The following CCSER1 variants were observed in gnomAD, a reference collection of about 807,000 sequenced individuals.
The protein encoded by CCSER1 is coiled-coil serine rich protein 1.
A neutral mutation model predicts 82.0 loss-of-function variants in CCSER1; 41 were observed. The observed-to-expected ratio is 0.50, with a 90% CI of 0.39 to 0.65. The LOEUF is 0.65. Ranked by LOEUF, CCSER1 falls within the 30% of genes least tolerant of loss-of-function variation. The pLI, the probability that CCSER1 is intolerant of heterozygous loss-of-function variation, is 0.00. For missense variants in CCSER1, 1,119 were observed against 1,064.2 expected (o/e 1.05, Z -0.72); for synonymous variants, 414 against 383.9 (o/e 1.08, Z -0.92).
chr4:90,922,009 T>C (rs1416030574), intron 8 of CCSER1, among the ~76,000 whole-genome samples: 6 of 152,048 alleles, frequency 3.9e-5, no homozygotes, highest in Admixed American at 3.9e-4. Context: ...TTTTTACTTA[T>C]CTTTTTCAAA....
intron 10 of CCSER1, among the ~76,000 whole-genome samples, chr4:91,297,503 T>A (rs535939285): frequency 6.6e-6 from 1 of 151,312 alleles, no homozygotes; most frequent in African/African-American, 2.4e-5. Flanking sequence ...GTATATGAAG[T>A]AAAAGATTTA....
At chr4:90,407,049 G>C (rs1156890193) in intron 4 of CCSER1, among the ~76,000 whole-genome samples, 2 of 151,820 alleles carry the variant, frequency 1.3e-5, no homozygotes, top group African/African-American at 4.8e-5. Flanking sequence ...CAACAAAAAA[G>C]ACAAAAGATA....
At chr4:91,197,600 A>G (rs1471562057) in intron 10 of CCSER1, among the ~76,000 whole-genome samples, 3 of 152,284 alleles carry the variant, frequency 2.0e-5, no homozygotes, top group East Asian at 3.9e-4. Flanking sequence ...ACTATATTTC[A>G]TTTCAGCTGT....
chr4:91,451,134 C>G (rs912713065), intron 10 of CCSER1, among the ~76,000 whole-genome samples: 3 of 151,962 alleles, frequency 2.0e-5, no homozygotes, highest in African/African-American at 7.2e-5. Context: ...AAAAGGGGAA[C>G]CCCAGCTTGT....
intron 10 of CCSER1, among the ~76,000 whole-genome samples, chr4:91,168,183 G>GGGAAGTGAGGGGCACC (rs1732335948): frequency 9.4e-6 from 1 of 106,164 alleles, no homozygotes; most frequent in African/African-American, 3.8e-5. Context: ...GCCGCCCATC[G>GGGAAGTGAGGGGCACC]TCTGGGAAGT....
chr4:90,403,749 G>C (rs1578296873), intron 4 of CCSER1, among the ~76,000 whole-genome samples: 2 of 152,086 alleles, frequency 1.3e-5, no homozygotes, highest in Admixed American at 6.5e-5. Context: ...TTTGGCTACA[G>C]AGTCTTATTA....
At chr4:90,251,456 T>C (rs141702966) in intron 1 of CCSER1, among the ~76,000 whole-genome samples, 246 of 151,998 alleles carry the variant, frequency 1.6e-3, no homozygotes, top group African/African-American at 5.7e-3. Flanking sequence ...ATTTGTCCCA[T>C]GCTGTTTCTG....
intron 8 of CCSER1, among the ~76,000 whole-genome samples, chr4:90,898,264 T>C (rs761161967): frequency 2.1e-5 from 3 of 141,284 alleles, no homozygotes; most frequent in Non-Finnish European, 3.1e-5. Flanking sequence ...AAATCTTTAA[T>C]CCATCTTTTT....
Position 91,598,587 on chromosome 4 carries a change from C to A in CCSER1, c.2233C>A (p.Arg745=). The change falls in exon 11 of 11, where the codon CGA becomes AGA. Residue 745 remains arginine, a synonymous_variant. Coordinates refer to ENST00000509176, the MANE Select transcript of CCSER1 (RefSeq NM_001145065.2). ...CTTACCATAGGCTACATATCGAAATCGAATTGTGAGCCAAAATCTCAGCAC... is the reference window on the plus strand; with the variant it reads ...CTTACCATAGGCTACATATCGAAATAGAATTGTGAGCCAAAATCTCAGCAC... ...QGGREATYRN[R]IVSQNLSTRD... The A allele has an allele frequency of 6.5e-7, 1 of 1,548,206 alleles. No individual in the cohort carries two copies. The highest frequency in any genetic ancestry group is 8.7e-7 in the Non-Finnish European group (1 of 1,144,682).
intron 10 of CCSER1, among the ~76,000 whole-genome samples, chr4:91,516,801 G>T (rs1048247972): frequency 3.3e-5 from 5 of 152,084 alleles, no homozygotes; most frequent in African/African-American, 1.2e-4. Flanking sequence ...GGAGAAGTAT[G>T]GCCATTTTAC....
chr4:90,781,520 T>A (rs2149612047), intron 7 of CCSER1: 1 of 984,794 alleles, frequency 1.0e-6, no homozygotes, highest in Non-Finnish European at 1.2e-6. Context: ...GATTAGATGT[T>A]AAACTTGAAA....
At chr4:91,067,226 A>G (rs1168161495) in intron 9 of CCSER1, among the ~76,000 whole-genome samples, 3 of 152,210 alleles carry the variant, frequency 2.0e-5, no homozygotes, top group Non-Finnish European at 4.4e-5. Flanking sequence ...CACTTGTTAA[A>G]TGAGTGAATA....
chr4:90,804,634 A>G (rs1363846989), intron 7 of CCSER1, among the ~76,000 whole-genome samples: 3 of 152,126 alleles, frequency 2.0e-5, no homozygotes, highest in East Asian at 1.9e-4. Flanking sequence ...GCATAATATT[A>G]TTGTTCAAAA....
At chr4:91,513,122 A>G (rs1349868189) in intron 10 of CCSER1, among the ~76,000 whole-genome samples, 1 of 152,016 alleles carries the variant, frequency 6.6e-6, no homozygotes, top group African/African-American at 2.4e-5. Context: ...TCTTATTATT[A>G]ATATTTTGAG....
rs565769208 is a variant in CCSER1 at position 91,259,517 on chromosome 4, G to A, written c.2217+173523G>A. Among the ~76,000 whole-genome samples, 74 of 152,060 alleles carry A rather than the reference G, an allele frequency of 4.9e-4. No individual in the cohort carries two copies. In the East Asian group the frequency reaches 0.011, roughly 22 times the overall value. On this transcript the variant is annotated intron_variant, in intron 10 of 10. Transcript: ENST00000509176. ...GCAGGTTTGTTACATAGATATACACGTGCCATGGTGGTTTGCTGCACCCAT... is the reference window on the plus strand; with the variant it reads ...GCAGGTTTGTTACATAGATATACACATGCCATGGTGGTTTGCTGCACCCAT...
chr4:91,326,793 A>T (rs1746596129), intron 10 of CCSER1, among the ~76,000 whole-genome samples: 1 of 152,178 alleles, frequency 6.6e-6, no homozygotes, highest in African/African-American at 2.4e-5. Flanking sequence ...AAATGCTCCC[A>T]TTCCAAAATA....
At chr4:90,489,627 C>T (rs1236534179) in intron 5 of CCSER1, among the ~76,000 whole-genome samples, 1 of 152,100 alleles carries the variant, frequency 6.6e-6, no homozygotes, top group Admixed American at 6.6e-5. Context: ...CCCATTAACT[C>T]GTCATTTACA....
intron 10 of CCSER1, among the ~76,000 whole-genome samples, chr4:91,497,050 A>G (rs997443096): frequency 6.6e-6 from 1 of 150,630 alleles, no homozygotes; most frequent in Non-Finnish European, 1.5e-5. Flanking sequence ...ATCTCTCCAC[A>G]GATGGTCTTA....
At chr4:91,261,153 A>AT (rs1322406305) in intron 10 of CCSER1, among the ~76,000 whole-genome samples, 2 of 152,058 alleles carry the variant, frequency 1.3e-5, no homozygotes, top group Non-Finnish European at 2.9e-5. Flanking sequence ...ACACATGGCA[A>AT]TTTTTTTCTA....
Sources: gnomAD v4.1 joint callset for allele counts (sites outside exome capture counted in the v4.1 genomes callset) on GRCh38, gnomAD v4.1.1 for gene constraint, MANE v1.5 for transcripts, NCBI Gene and HGNC (gene_info 2026-07-23, HGNC 2026-07-21) for gene names.